Variants in SSH1 observed in about 807,000 individuals in gnomAD.
SSH1 encodes the protein slingshot protein phosphatase 1, also known as protein phosphatase Slingshot homolog 1.
SSH1 carries 43 observed loss-of-function variants against 79.7 expected under a neutral mutation model. The ratio of observed to expected loss-of-function variants is 0.54; its 90% CI spans 0.42 to 0.70. The LOEUF is 0.70. Among genes scored for constraint, SSH1 ranks in the 30% least tolerant of loss-of-function variants. The pLI, the probability that SSH1 is intolerant of heterozygous loss-of-function variation, is 0.00. For missense variants in SSH1, 1,206 were observed against 1,358.8 expected, an observed-to-expected ratio of 0.89 and a Z score of 1.77; for synonymous variants, 599 against 538.3, an observed-to-expected ratio of 1.11 and a Z score of -1.56.
At position 108,788,391 on chromosome 12, in the gene SSH1, A is replaced by G; in HGVS notation, c.2747T>C (p.Leu916Pro). ...GGTGGGGGTGTAGCAGATGGTCTTC[A>G]GAAAGTCTTTTGAGAAACTACTGGT... ...DHTSSFSKDF[L>P]KTICYTPTSS... The change falls in exon 15 of 15, where the codon CTG becomes CCG. Residue 916 changes from leucine to proline, a missense_variant. Physicochemically the swap from Leu to Pro is moderately conservative, Grantham distance 98. Around this residue, in one of 5 missense-constraint regions of SSH1, gnomAD observed 709 missense variants for 730.6 expected, o/e 0.97. Transcript: ENST00000326495. 1 of 1,611,914 alleles carries G rather than the reference A, an allele frequency of 6.2e-7. No homozygotes were observed. The highest frequency in any genetic ancestry group is 2.2e-5 in the East Asian group (1 of 44,880).
chr12:108,826,235 G>A (rs1262492026), intron 2 of SSH1: 1 of 439,618 alleles, frequency 2.3e-6, no homozygotes, highest in African/African-American at 2.1e-5. Context: ...AACAGACTAG[G>A]CTGGTTTCAC....
chr12:108,805,180 C>T lies in SSH1; in HGVS notation c.830G>A (p.Arg277His). Residue 277 changes from arginine to histidine, a missense_variant, in exon 10 of 15, where the codon CGT becomes CAT. Coordinates refer to ENST00000326495, the MANE Select transcript of SSH1 (RefSeq NM_018984.4). ...DLENVTSKEI[R>H]NELEKQMNCN... ...ATTCATCTGTTTCTCTAATTCATTA[C>T]GAATCTGTGGAGTAGAAAATATTAG... 6.2e-7 allele frequency: 1 copy of T among 1,612,968 alleles called. No homozygotes were observed. The highest frequency in any genetic ancestry group is 1.1e-5 in the South Asian group (1 of 91,054).
chr12:108,828,354 A>G lies in SSH1; in HGVS notation c.111-4993T>C, dbSNP rs112934646. Among the ~76,000 whole-genome samples, 325 of 152,218 alleles carry G rather than the reference A, an allele frequency of 2.1e-3. 2 individuals carry two copies. In the South Asian group the frequency reaches 0.024, roughly 11 times the overall value. ...GCCTAGGAGCACATATCTCTACAAG[A>G]TGGGGCTGGACTCACATCTATCTGC... On this transcript the variant is annotated intron_variant, in intron 2 of 14. Coordinates refer to ENST00000326495, the MANE Select transcript of SSH1 (RefSeq NM_018984.4).
chr12:108,803,858 A>G (rs1338599623), intron 10 of SSH1, among the ~76,000 whole-genome samples: 1 of 152,232 alleles, frequency 6.6e-6, no homozygotes, highest in Non-Finnish European at 1.5e-5. Flanking sequence ...ATTTGTATAC[A>G]GAAATGTATT....
chr12:108,800,868 C>G lies in SSH1; in HGVS notation c.1060G>C (p.Ala354Pro), dbSNP rs759582397. ...EIDNFFPGLF[A>P]YHNIRVYDEE... ...TCGTAGACTCGGATGTTATGATATG[C>G]AAATAAGCCAGGAAAAAAATTATCG... Residue 354 changes from alanine (A) to proline (P), a missense_variant, in exon 12 of 15, where the codon GCA becomes CCA. By Grantham distance (27) the Ala-to-Pro change is conservative. Transcript: ENST00000326495. The G allele has an allele frequency of 6.2e-7, 1 of 1,613,748 alleles. No individual in the cohort carries two copies. The highest frequency in any genetic ancestry group is 8.5e-7 in the Non-Finnish European group (1 of 1,179,856).
At chr12:108,822,408 T>A (rs1290515462) in intron 3 of SSH1, among the ~76,000 whole-genome samples, 1 of 151,886 alleles carries the variant, frequency 6.6e-6, no homozygotes, top group African/African-American at 2.4e-5. Context: ...ATCCTGGAAT[T>A]ACAGGCAAGA....
Position 108,792,320 on chromosome 12 carries a change from T to C in SSH1, c.1859A>G (p.Asn620Ser), listed in dbSNP as rs367976855. The change falls in exon 14 of 15, where the codon AAC (asparagine) becomes AGC (serine). Residue 620 changes from asparagine (N) to serine (S), a missense_variant. Coordinates refer to ENST00000326495, the MANE Select transcript of SSH1 (RefSeq NM_018984.4). ...GTTGGGACAGCTCCTCTTGCTGTTG[T>C]TGTTTAGGTTCTCCGAGTTGAGCAG... ...QNLLNSENLN[N>S]NSKRSCPNGM... 11 of 1,614,128 alleles carry C rather than the reference T, an allele frequency of 6.8e-6. No individual in the cohort carries two copies. The highest frequency in any genetic ancestry group is 4.5e-5 in the East Asian group (2 of 44,882).
intron 2 of SSH1, among the ~76,000 whole-genome samples, chr12:108,842,515 C>T (rs1310765260): frequency 6.6e-6 from 1 of 152,222 alleles, no homozygotes; most frequent in Non-Finnish European, 1.5e-5. Context: ...CCTGCAGAAG[C>T]TGGCCTCATT....
intron 5 of SSH1, among the ~76,000 whole-genome samples, chr12:108,816,700 C>G (rs1010819293): frequency 6.6e-6 from 1 of 152,204 alleles, no homozygotes; most frequent in East Asian, 1.9e-4. Context: ...CTGGTTTGGC[C>G]TTCTGGGTTC....
intron 2 of SSH1, among the ~76,000 whole-genome samples, chr12:108,827,997 T>A (rs2038371930): frequency 6.6e-6 from 1 of 152,076 alleles, no homozygotes; most frequent in African/African-American, 2.4e-5. Context: ...GTCCTAAAGG[T>A]TGGAGGTGTG....
rs1385213496 is a variant in SSH1 at position 108,782,873 on chromosome 12, C to A, written c.*5115G>T. 6.6e-6 allele frequency: 1 copy of A among 152,068 alleles called. No individual in the cohort carries two copies. Among genetic ancestry groups the A allele is most frequent in the Non-Finnish European group, 1.5e-5 (1 of 68,002 alleles). The allele number at this position is 152,068 out of a possible 1,614,324, so 9.4% of individuals were successfully genotyped here. Reference sequence around the variant, plus strand: ...CAAGAAGAAAAACAATAAAAAAAATCATCGATATCTTAACGCAATTCACGG... The same window carrying A: ...CAAGAAGAAAAACAATAAAAAAAATAATCGATATCTTAACGCAATTCACGG... On this transcript the variant is annotated 3_prime_UTR_variant, in exon 15 of 15. Transcript: ENST00000326495.
chr12:108,828,803 C>T (rs963225129), intron 2 of SSH1, among the ~76,000 whole-genome samples: 7 of 152,198 alleles, frequency 4.6e-5, no homozygotes, highest in African/African-American at 1.4e-4. Flanking sequence ...ACCAAGAAGT[C>T]GCTTTCAAGG....
At chr12:108,828,059 C>A (rs376290174) in intron 2 of SSH1, among the ~76,000 whole-genome samples, 110 of 152,256 alleles carry the variant, frequency 7.2e-4, no homozygotes, top group African/African-American at 2.5e-3. Flanking sequence ...TTTAGCGTTT[C>A]TTTCAGTGAG....
rs73193460 is a variant in SSH1, at chr12:108,853,410, C to T, written c.70-732G>A. The T allele has an allele frequency of 3.1e-3, 2,949 of 937,314 alleles. 6 individuals are homozygous for T. The highest frequency in any genetic ancestry group is 3.6e-3 in the Non-Finnish European group (2,799 of 786,222). The allele number at this position is 937,314 out of a possible 1,614,324, so 58.1% of individuals were successfully genotyped here. A position where few individuals can be genotyped will look rare whatever the true frequency, so the allele number is the denominator to read the frequency against. On this transcript the variant is annotated intron_variant, in intron 1 of 14. Transcript: ENST00000326495. ...CACATACACACCCCCCAAACAACTC[C>T]GCACCGCTGGGACTTGGCATGTTTT...
intron 7 of SSH1, 55 bp downstream of exon 7, chr12:108,809,638 C>T: frequency 2.0e-6 from 3 of 1,483,196 alleles, no homozygotes; most frequent in Non-Finnish European, 2.8e-6. Context: ...TCTATTCATG[C>T]TGTCGGCTAA....
chr12:108,833,012 G>T (rs777535585), intron 2 of SSH1, among the ~76,000 whole-genome samples: 1 of 152,164 alleles, frequency 6.6e-6, no homozygotes, highest in Admixed American at 6.5e-5. Context: ...GCTAGAAGGC[G>T]TAGGCTTCTC....
At chr12:108,830,509 C>T (rs1391322252) in intron 2 of SSH1, among the ~76,000 whole-genome samples, 5 of 152,094 alleles carry the variant, frequency 3.3e-5, no homozygotes, top group African/African-American at 1.2e-4. Flanking sequence ...AGAAAACAGT[C>T]TTCTCCATGG....
At position 108,824,305 on chromosome 12, in the gene SSH1, G is replaced by A. The variant is rs1007296738; in HGVS notation, c.111-944C>T. 5.9e-4 allele frequency among the ~76,000 whole-genome samples: 89 copies of A among 152,030 alleles called. 2 individuals are homozygous for A. Among genetic ancestry groups the A allele is most frequent in the Admixed American group, 4.7e-3 (71 of 15,244 alleles). On this transcript the variant is annotated intron_variant, in intron 2 of 14. Transcript: ENST00000326495. ...CTAAAAATGCAAAAATTAGCCAGGCGTGGTGGCACATGCCTGTAATCCCAG... is the reference window on the plus strand; with the variant it reads ...CTAAAAATGCAAAAATTAGCCAGGCATGGTGGCACATGCCTGTAATCCCAG...
Position 108,857,536 on chromosome 12 carries a change from C to G in SSH1, c.-40G>C. 9.5e-7 allele frequency: 1 copy of G among 1,048,766 alleles called. No homozygotes were observed. Among genetic ancestry groups the G allele is most frequent in the South Asian group, 2.6e-5 (1 of 37,840 alleles). 65.0% of individuals were successfully genotyped at this position (1,048,766 alleles called of 1,614,324 possible). On this transcript the variant is annotated 5_prime_UTR_variant, in exon 1 of 15. Transcript: ENST00000326495. The surrounding 1 kb of genome is among the most constrained non-coding windows in gnomAD (Gnocchi z 4.7). ...GCGAGGGCGCCACAGACGTCTCGAG[C>G]TAGAGCCGCCACCGCCACCGCCGCC...
Sources: allele counts gnomAD v4.1 joint callset (sites outside exome capture counted in the v4.1 genomes callset), GRCh38; gene constraint gnomAD v4.1.1; regional missense constraint gnomAD v4.1.1; non-coding constraint Gnocchi (gnomAD v3.1); transcripts MANE v1.5; gene names NCBI Gene and HGNC (gene_info 2026-07-23, HGNC 2026-07-21).